CCNI: variants seen among roughly 807,000 people sequenced by gnomAD.
CCNI encodes cyclin I.
CCNI carries 14 observed loss-of-function variants against 34.1 expected under a neutral mutation model. The ratio of observed to expected loss-of-function variants is 0.41; its 90% CI spans 0.27 to 0.64. The LOEUF (loss-of-function observed/expected upper bound fraction) is 0.64. CCNI is among the 30% of genes least tolerant of loss of function. The pLI is 0.31. For synonymous variants in CCNI, 154 were observed against 158.4 expected (o/e 0.97, Z 0.21); for missense variants, 385 against 440.5 (o/e 0.87, Z 1.13).
intron 6 of CCNI, among the ~76,000 whole-genome samples, chr4:77,053,291 ATTGG>A (rs551800736): frequency 2.0e-4 from 31 of 152,288 alleles, no homozygotes; most frequent in African/African-American, 6.3e-4. Context: ...GAAAAAAAGC[ATTGG>A]TTCTTTTAAA....
Position 77,075,474 on chromosome 4 carries a change from TCTCCTCCTCTTC to T in CCNI, c.-58_-47del, listed in dbSNP as rs1170478818. On this transcript the variant is annotated 5_prime_UTR_variant, in exon 1 of 7. Coordinates refer to ENST00000237654, the MANE Select transcript of CCNI (RefSeq NM_006835.3). ...CCGCCCCCGCCCCCGCCCCTCACCT[TCTCCTCCTCTTC>T]CTCCTCCTCCTCCTCCCCGGCAGAG... 2.4e-5 allele frequency: 13 copies of T among 539,680 alleles called. No individual in the cohort carries two copies. The highest frequency in any genetic ancestry group is 1.6e-4 in the South Asian group (2 of 12,516). The allele number at this position is 539,680 out of a possible 1,614,324, so 33.4% of individuals were successfully genotyped here. A position where few individuals can be genotyped will look rare whatever the true frequency, so the allele number is the denominator to read the frequency against.
At chr4:77,060,387 T>G (rs1364671961) in intron 2 of CCNI, among the ~76,000 whole-genome samples, 1 of 152,232 alleles carries the variant, frequency 6.6e-6, no homozygotes, top group Non-Finnish European at 1.5e-5. Flanking sequence ...CAAAACATTA[T>G]CTATGAAGTT....
intron 6 of CCNI, among the ~76,000 whole-genome samples, chr4:77,049,997 C>A (rs1727719388): frequency 6.6e-6 from 1 of 152,128 alleles, no homozygotes; most frequent in Admixed American, 6.5e-5. Flanking sequence ...ATAAGCTAAA[C>A]TGCTTAGTTT....
At position 77,075,454 on chromosome 4, in the gene CCNI, C is replaced by T. The variant is rs895664291; in HGVS notation, c.-44+18G>A. 1.2e-5 allele frequency: 8 copies of T among 680,654 alleles called. No individual in the cohort carries two copies. The highest frequency in any genetic ancestry group is 1.4e-5 in the Non-Finnish European group (8 of 552,878). The allele number at this position is 680,654 out of a possible 1,614,324, so 42.2% of individuals were successfully genotyped here. On this transcript the variant is annotated intron_variant, in intron 1 of 6. Coordinates refer to ENST00000237654, the MANE Select transcript of CCNI (RefSeq NM_006835.3). ...CGCGGAGACGCGTCGAGCCCCCGCC[C>T]CCGCCCCCGCCCCTCACCTTCTCCT...
chr4:77,055,885 G>C, intron 5 of CCNI, 77 bp downstream of exon 5: 1 of 1,197,174 alleles, frequency 8.4e-7, no homozygotes. Context: ...CAAAATAAAT[G>C]AGTAGGCAAT....
chr4:77,057,613 T>C (rs910893177), intron 3 of CCNI, among the ~76,000 whole-genome samples: 7 of 152,242 alleles, frequency 4.6e-5, no homozygotes, highest in Admixed American at 2.6e-4. Context: ...AAATAAATGC[T>C]CATTTTCTGC....
chr4:77,055,782 C>A (rs991392191), intron 5 of CCNI, among the ~76,000 whole-genome samples, 180 bp downstream of exon 5: 10 of 152,106 alleles, frequency 6.6e-5, no homozygotes, highest in Non-Finnish European at 2.9e-5. Flanking sequence ...TATTCAATTT[C>A]TAAGTCTGCG....
At chr4:77,064,585 G>GCGCGCGCACACACA (rs375436623) in intron 2 of CCNI, 3 of 143,034 alleles carry the variant, frequency 2.1e-5, no homozygotes, top group Admixed American at 6.9e-5. Flanking sequence ...GCGCGCGCGC[G>GCGCGCGCACACACA]CACACACACA....
intron 5 of CCNI, 68 bp downstream of exon 5, chr4:77,055,894 A>G: frequency 7.8e-7 from 1 of 1,277,484 alleles, no homozygotes; most frequent in Non-Finnish European, 1.1e-6. Context: ...TGAGTAGGCA[A>G]TCTATTTTTT....
At position 77,048,626 on chromosome 4, in the gene CCNI, C is replaced by T. The variant is rs761070964; in HGVS notation, c.727G>A (p.Val243Met). ...SSQLIHCRELVAHHLSTLQSS... is the reference protein window; with the variant it reads ...SSQLIHCRELMAHHLSTLQSS... ...TGCAGAGTAGAAAGGTGATGTGCCA[C>T]AAGCTCCCGACAATGGATCAACTGG... The change falls in exon 7 of 7, where the codon GTG becomes ATG. Residue 243 changes from valine (V) to methionine (M), a missense_variant. Physicochemically the swap from Val to Met is conservative, Grantham distance 21. This residue lies in a region of CCNI where 250 missense variants were observed against 248.7 expected (regional missense o/e 1.01). Coordinates refer to ENST00000237654, the MANE Select transcript of CCNI (RefSeq NM_006835.3). The T allele has an allele frequency of 1.9e-6, 3 of 1,566,272 alleles. No homozygotes were observed. Among genetic ancestry groups the T allele is most frequent in the South Asian group, 1.2e-5 (1 of 83,900 alleles).
chr4:77,059,591 T>C (rs1413814443), intron 2 of CCNI, among the ~76,000 whole-genome samples: 31 of 152,104 alleles, frequency 2.0e-4, no homozygotes. Flanking sequence ...TTGCCCCTGG[T>C]AACTTTCACT....
Position 77,063,930 on chromosome 4 carries a change from T to A in CCNI, c.114+2319A>T, listed in dbSNP as rs374595563. 4.1e-4 allele frequency among the ~76,000 whole-genome samples: 62 copies of A among 152,088 alleles called. No homozygotes were observed. The Middle Eastern group carries it at 0.01, about 25-fold the overall frequency. ...GTTCTCTGGTATTACCACACCAGTA[T>A]TCATTAAATCACCTACAGAAATAGG... On this transcript the variant is annotated intron_variant, in intron 2 of 6. Transcript: ENST00000237654.
chr4:77,064,229 GA>G (rs1728847953), intron 2 of CCNI, among the ~76,000 whole-genome samples: 1 of 143,886 alleles, frequency 6.9e-6, no homozygotes, highest in Non-Finnish European at 1.5e-5. Context: ...GGCAAAAAGA[GA>G]AAAAAACTCC....
Position 77,048,269 on chromosome 4 carries a change from CTT to C in CCNI, c.1082_1083del (p.Gln361ArgfsTer30), listed in dbSNP as rs755679493. ...GGTGGACAAGGGGAAGCATGTCCCT[CTT>C]GTCTTGATAAATCAGTGCCACACAC... ...GSVCGTDLSR[Q>X]EGHASPCPPL... On this transcript the variant is annotated frameshift_variant, in exon 7 of 7. Coordinates refer to ENST00000237654, the MANE Select transcript of CCNI (RefSeq NM_006835.3). LOFTEE classifies it high-confidence loss of function. 62 of 1,614,018 alleles carry C rather than the reference CTT, an allele frequency of 3.8e-5. No individual in the cohort carries two copies. Among genetic ancestry groups the C allele is most frequent in the South Asian group, 1.8e-4 (16 of 91,082 alleles).
At position 77,048,670 on chromosome 4, in the gene CCNI, AG is replaced by A. The variant is rs769202019; in HGVS notation, c.691-9del. 6.7e-7 allele frequency: 1 copy of A among 1,502,592 alleles called. No homozygotes were observed. The highest frequency in any genetic ancestry group is 2.3e-5 in the Admixed American group (1 of 43,580). The allele number at this position is 1,502,592 out of a possible 1,614,324, so 93.1% of individuals were successfully genotyped here. A position where few individuals can be genotyped will look rare whatever the true frequency, so the allele number is the denominator to read the frequency against. Reference sequence around the variant, plus strand: ...CAACTGGGAGCTATCCATCTGGGCCAGGAAAAAAAAAAAGCCACACACAGTT... The same window carrying A: ...CAACTGGGAGCTATCCATCTGGGCCAGAAAAAAAAAAAGCCACACACAGTT... On this transcript the variant is annotated splice_polypyrimidine_tract_variant and intron_variant, in intron 6 of 6. Transcript: ENST00000237654.
chr4:77,063,551 G>A (rs1306778550), intron 2 of CCNI, among the ~76,000 whole-genome samples: 2 of 151,506 alleles, frequency 1.3e-5, no homozygotes, highest in Non-Finnish European at 3.0e-5. Context: ...TTAGCCGGGC[G>A]TTGTGGCGGG....
intron 2 of CCNI, among the ~76,000 whole-genome samples, chr4:77,059,283 G>A (rs1174422327): frequency 6.6e-6 from 1 of 151,162 alleles, no homozygotes; most frequent in Non-Finnish European, 1.5e-5. Flanking sequence ...TTTTTAGCAG[G>A]GACACACTTT....
intron 2 of CCNI, among the ~76,000 whole-genome samples, chr4:77,060,231 T>C (rs747556028): frequency 9.2e-5 from 14 of 152,152 alleles, no homozygotes; most frequent in Non-Finnish European, 2.1e-4. Context: ...GAGAATACAG[T>C]TATATGGAGA....
In CCNI at chr4:77,056,337, G is replaced by A. The variant is rs777994116; in HGVS notation, c.244-14C>T. 3.1e-6 allele frequency: 5 copies of A among 1,593,808 alleles called. No homozygotes were observed. In the African/African-American group the frequency reaches 5.4e-5, roughly 17 times the overall value. ...TTTTGGATGAGCCTAAAATTTTGAA[G>A]AGGGAAAAAGCAACTTTAGTGATTT... On this transcript the variant is annotated splice_polypyrimidine_tract_variant and intron_variant, in intron 3 of 6. Coordinates refer to ENST00000237654, the MANE Select transcript of CCNI (RefSeq NM_006835.3).
Sources: gnomAD v4.1 joint callset for allele counts (sites outside exome capture counted in the v4.1 genomes callset) on GRCh38, gnomAD v4.1.1 for gene constraint, gnomAD v4.1.1 regional missense constraint, MANE v1.5 for transcripts, NCBI Gene and HGNC (gene_info 2026-07-23, HGNC 2026-07-21) for gene names.